The following ZNF585A variants were observed in gnomAD, a reference collection of about 807,000 sequenced individuals.
The protein encoded by ZNF585A is zinc finger protein 585A.
In ZNF585A, 9 loss-of-function variants were observed where a neutral mutation model predicts 14.9. The ratio of observed to expected loss-of-function variants is 0.60; its 90% CI spans 0.36 to 1.05. The LOEUF (loss-of-function observed/expected upper bound fraction) is 1.05, where lower values mean the gene tolerates loss of function less well. Among genes scored for constraint, ZNF585A ranks in the 50% least tolerant of loss-of-function variants. The pLI is 0.01. For missense variants in ZNF585A, 726 were observed against 926.4 expected (o/e 0.78, Z 2.81); for synonymous variants, 276 against 319.9 (o/e 0.86, Z 1.46).
intron 2 of ZNF585A, among the ~76,000 whole-genome samples, chr19:37,159,533 A>G (rs1266796653): frequency 1.3e-5 from 2 of 152,180 alleles, no homozygotes; most frequent in Admixed American, 1.3e-4. Flanking sequence ...GCAATTTATC[A>G]AAATACTAGA....
rs1210394332 is a variant in ZNF585A at position 37,152,547 on chromosome 19, G to A, written c.1352C>T (p.Ser451Leu). The A allele has an allele frequency of 7.4e-6, 12 of 1,614,148 alleles. No homozygotes were observed. The highest frequency in any genetic ancestry group is 1.3e-5 in the African/African-American group (1 of 75,040). Residue 451 changes from serine (S) to leucine (L), a missense_variant, in exon 5 of 5, where the codon TCG (serine) becomes TTG (leucine). Ser to Leu is a moderately radical substitution (Grantham distance 145). Around this residue, in one of 2 missense-constraint regions of ZNF585A, gnomAD observed 483 missense variants for 542.8 expected, o/e 0.89. Transcript: ENST00000292841. ...AATTCGTTTATGAACATGGAGTTGC[G>A]ACTTGGAGGTAAACAATTTCCCACA... ...GHCGKLFTSK[S>L]QLHVHKRIHT...
chr19:37,157,891 T>C (rs1365641582), intron 2 of ZNF585A, among the ~76,000 whole-genome samples: 1 of 121,262 alleles, frequency 8.2e-6, no homozygotes, highest in Non-Finnish European at 1.6e-5. Context: ...AAAAGTTCTT[T>C]TTTTTTTTTT....
chr19:37,157,513 T>G (rs995772335), intron 2 of ZNF585A, among the ~76,000 whole-genome samples: 1 of 152,168 alleles, frequency 6.6e-6, no homozygotes, highest in African/African-American at 2.4e-5. Context: ...TGGAACACAC[T>G]GAGGGCCCAA....
At position 37,153,246 on chromosome 19, in the gene ZNF585A, T is replaced by C. The variant is rs767343183; in HGVS notation, c.653A>G (p.Gln218Arg). 1.2e-6 allele frequency: 2 copies of C among 1,614,236 alleles called. No homozygotes were observed. Among genetic ancestry groups the C allele is most frequent in the South Asian group, 2.2e-5 (2 of 91,088 alleles). The change falls in exon 5 of 5, where the codon CAG becomes CGG. Residue 218 changes from glutamine (Q) to arginine (R), a missense_variant. Gln to Arg is a conservative substitution (Grantham distance 43, BLOSUM62 1). This residue lies in a region of ZNF585A where 483 missense variants were observed against 542.8 expected (regional missense o/e 0.89). Transcript: ENST00000292841. Reference protein sequence around the residue: ...HTGEKLYECSQCGKGFSYNSD... With the variant: ...HTGEKLYECSRCGKGFSYNSD... ...GTTATAAGAGAAGCCTTTCCCACAC[T>C]GGCTGCATTCATAGAGTTTCTCTCC...
chr19:37,156,194 G>T, intron 3 of ZNF585A, 35 bp downstream of exon 3: 1 of 1,607,824 alleles, frequency 6.2e-7, no homozygotes, highest in African/African-American at 1.3e-5. Flanking sequence ...CTCTCAGTGA[G>T]GCCTCCTTTC....
Position 37,152,639 on chromosome 19 carries a change from A to C in ZNF585A, c.1260T>G (p.Ile420Met). Residue 420 changes from isoleucine to methionine, a missense_variant, in exon 5 of 5, where the codon ATT (isoleucine) becomes ATG (methionine). Ile to Met is a conservative substitution (Grantham distance 10). Around this residue, in one of 2 missense-constraint regions of ZNF585A, gnomAD observed 483 missense variants for 542.8 expected, o/e 0.89. Coordinates refer to ENST00000292841, the MANE Select transcript of ZNF585A (RefSeq NM_001288800.2). Reference sequence around the variant, plus strand: ...GATGTGCAATCAAGTGTGCCTTCTGAATGAAGGCCAGTCCACATTTCATGC... The same window carrying C: ...GATGTGCAATCAAGTGTGCCTTCTGCATGAAGGCCAGTCCACATTTCATGC... Reference protein sequence around the residue: ...YICMKCGLAFIQKAHLIAHQI... With the variant: ...YICMKCGLAFMQKAHLIAHQI... 6.2e-7 allele frequency: 1 copy of C among 1,613,870 alleles called. No individual in the cohort carries two copies. Among genetic ancestry groups the C allele is most frequent in the Non-Finnish European group, 8.5e-7 (1 of 1,179,920 alleles).
chr19:37,151,036 T>C lies in ZNF585A; in HGVS notation c.*553A>G, dbSNP rs1971818617. ...ACATAAAGGTTTTTTCTTTTTTTTT[T>C]TGTAGCATCTCTTTCTTGATAGAAA... On this transcript the variant is annotated 3_prime_UTR_variant, in exon 5 of 5. Coordinates refer to ENST00000292841, the MANE Select transcript of ZNF585A (RefSeq NM_001288800.2). The C allele has an allele frequency of 8.5e-6, 2 of 236,410 alleles. No homozygotes were observed. The highest frequency in any genetic ancestry group is 1.6e-5 in the Non-Finnish European group (2 of 122,522). The allele number at this position is 236,410 out of a possible 1,614,324, so 14.6% of individuals were successfully genotyped here.
intron 2 of ZNF585A, among the ~76,000 whole-genome samples, chr19:37,159,792 TA>T (rs1971986547): frequency 6.6e-6 from 1 of 151,810 alleles, no homozygotes; most frequent in Non-Finnish European, 1.5e-5. Context: ...AAAAACAACC[TA>T]AAAAACCCAC....
intron 4 of ZNF585A, 126 bp downstream of exon 4, chr19:37,155,739 T>C: frequency 9.8e-7 from 1 of 1,022,626 alleles, no homozygotes; most frequent in Non-Finnish European, 1.5e-6. Flanking sequence ...CATCAAGCAA[T>C]ACAAAAACAT....
intron 2 of ZNF585A, among the ~76,000 whole-genome samples, chr19:37,166,345 G>A (rs1463328822): frequency 8.6e-6 from 1 of 116,262 alleles, no homozygotes; most frequent in Non-Finnish European, 1.7e-5. Context: ...ACAGAGTCTC[G>A]CTCTCGCTCT....
chr19:37,162,025 G>A (rs1972021268), intron 2 of ZNF585A, among the ~76,000 whole-genome samples: 1 of 152,172 alleles, frequency 6.6e-6, no homozygotes, highest in South Asian at 2.1e-4. Context: ...CCAGGTTCAA[G>A]CGATTCTCCT....
At chr19:37,170,561 G>A (rs1599757345) in intron 1 of ZNF585A, among the ~76,000 whole-genome samples, 1 of 152,184 alleles carries the variant, frequency 6.6e-6, no homozygotes, top group African/African-American at 2.4e-5. Context: ...TCGGCTCACT[G>A]CAAGCTCTGC....
At chr19:37,161,539 T>C (rs1302346008) in intron 2 of ZNF585A, among the ~76,000 whole-genome samples, 3 of 152,124 alleles carry the variant, frequency 2.0e-5, no homozygotes, top group African/African-American at 4.8e-5. Context: ...CACAGATACA[T>C]GAATTTTTTT....
intron 2 of ZNF585A, among the ~76,000 whole-genome samples, chr19:37,169,213 A>G (rs1972143162): frequency 6.6e-6 from 1 of 152,174 alleles, no homozygotes; most frequent in Admixed American, 6.5e-5. Context: ...AATTATACCC[A>G]TGAAATAAGA....
rs764546118 is a variant in ZNF585A, at chr19:37,155,925, A to C, written c.232T>G (p.Leu78Val). The change falls in exon 4 of 5, where the codon TTG becomes GTG. Residue 78 changes from leucine to valine, a missense_variant. Around this residue, in one of 2 missense-constraint regions of ZNF585A, gnomAD observed 483 missense variants for 542.8 expected, o/e 0.89. Transcript: ENST00000292841. ...GCCCATGGTTCCTTTCCTTGCTCCA[A>C]CATGACCACCTCTGCTTCAGGAACT... ...YQVPEAEVVMLEQGKEPWALQ... is the reference protein window; with the variant it reads ...YQVPEAEVVMVEQGKEPWALQ... 1 of 1,612,874 alleles carries C rather than the reference A, an allele frequency of 6.2e-7. No individual in the cohort carries two copies. Among genetic ancestry groups the C allele is most frequent in the Non-Finnish European group, 8.5e-7 (1 of 1,180,000 alleles).
Position 37,152,838 on chromosome 19 carries a change from G to C in ZNF585A, c.1061C>G (p.Ser354Cys), listed in dbSNP as rs540215923. ...HKKVQSREKS[S>C]ICTECGKAFT... ...GGCCTTCCCACACTCAGTACATATG[G>C]AAGATTTCTCTCTACTTTGAACTTT... Residue 354 changes from serine (S) to cysteine (C), a missense_variant, in exon 5 of 5, where the codon TCC becomes TGC. Around this residue, in one of 2 missense-constraint regions of ZNF585A, gnomAD observed 483 missense variants for 542.8 expected, o/e 0.89. Coordinates refer to ENST00000292841, the MANE Select transcript of ZNF585A (RefSeq NM_001288800.2). The C allele has an allele frequency of 1.9e-6, 3 of 1,614,092 alleles. No homozygotes were observed. The African/African-American group carries it at 4.0e-5, about 22-fold the overall frequency.
At chr19:37,154,702 G>T (rs1379303262) in intron 4 of ZNF585A, among the ~76,000 whole-genome samples, 2 of 151,040 alleles carry the variant, frequency 1.3e-5, no homozygotes, top group Non-Finnish European at 2.9e-5. Flanking sequence ...AGGCATGAAG[G>T]ACTGGGAAGA....
intron 2 of ZNF585A, among the ~76,000 whole-genome samples, chr19:37,159,475 C>A (rs1302737245): frequency 6.6e-6 from 1 of 152,106 alleles, no homozygotes; most frequent in Non-Finnish European, 1.5e-5. Flanking sequence ...GAGCTGTATA[C>A]ATTTAAAGAA....
At chr19:37,170,345 C>A (rs367888957) in intron 1 of ZNF585A, among the ~76,000 whole-genome samples, 2 of 152,288 alleles carry the variant, frequency 1.3e-5, no homozygotes, top group African/African-American at 2.4e-5. Context: ...TGAGAACCAG[C>A]GCTGAGGAGA....
Sources: gnomAD v4.1 joint callset for allele counts (sites outside exome capture counted in the v4.1 genomes callset) on GRCh38, gnomAD v4.1.1 for gene constraint, gnomAD v4.1.1 regional missense constraint, MANE v1.5 for transcripts, NCBI Gene and HGNC (gene_info 2026-07-23, HGNC 2026-07-21) for gene names.